BBX: variants seen among roughly 807,000 people sequenced by gnomAD.
BBX encodes the protein BBX high mobility group box domain containing.
Under a neutral mutation model 100.2 loss-of-function variants are expected in BBX, and 30 were observed. That is an observed-to-expected ratio of 0.30 (90% CI 0.22 to 0.41). The LOEUF (loss-of-function observed/expected upper bound fraction) is 0.41, where lower values mean the gene tolerates loss of function less well. BBX is among the 10% of genes least tolerant of loss of function. The pLI, the probability that BBX is intolerant of heterozygous loss-of-function variation, is 1.00. For missense variants in BBX, 1,023 were observed against 1,129.8 expected, an observed-to-expected ratio of 0.91 and a Z score of 1.35; for synonymous variants, 376 against 388.1, an observed-to-expected ratio of 0.97 and a Z score of 0.37.
chr3:107,789,598 A>G (rs2068779990), intron 13 of BBX, among the ~76,000 whole-genome samples, 189 bp from the exon 14 acceptor site: 1 of 152,168 alleles, frequency 6.6e-6, no homozygotes, highest in African/African-American at 2.4e-5. Flanking sequence ...GGAAAATCTC[A>G]CTGGGTTTAA....
At position 107,712,956 on chromosome 3, in the gene BBX, C is replaced by T. The variant is rs539795858; in HGVS notation, c.162+2334C>T. On this transcript the variant is annotated intron_variant, in intron 4 of 17. Coordinates refer to ENST00000325805, the MANE Select transcript of BBX (RefSeq NM_001142568.3). ...GTCTAGTCCATACTTTTAGTCTTAG[C>T]ACCTTCTGCATATTGGTATCTCATA... Among the ~76,000 whole-genome samples the T allele has an allele frequency of 5.3e-5, 8 of 152,208 alleles. No homozygotes were observed. In the South Asian group the frequency reaches 6.2e-4, roughly 12 times the overall value.
At chr3:107,698,478 C>T (rs2060818100) in intron 3 of BBX, among the ~76,000 whole-genome samples, 1 of 151,366 alleles carries the variant, frequency 6.6e-6, no homozygotes, top group Non-Finnish European at 1.5e-5. Context: ...TGGTGAAACC[C>T]CATCTCTACT....
intron 13 of BBX, among the ~76,000 whole-genome samples, chr3:107,785,357 C>G (rs2068305473): frequency 6.6e-6 from 1 of 151,936 alleles, no homozygotes. Flanking sequence ...TCAAGACATT[C>G]TCAAGACAAA....
At chr3:107,637,902 C>T (rs1342465036) in intron 2 of BBX, among the ~76,000 whole-genome samples, 2 of 152,070 alleles carry the variant, frequency 1.3e-5, no homozygotes, top group African/African-American at 4.8e-5. Flanking sequence ...TTTCTTCTTT[C>T]CTTTCCTTTA....
At chr3:107,573,792 T>A (rs1197291473) in intron 2 of BBX, among the ~76,000 whole-genome samples, 1 of 152,194 alleles carries the variant, frequency 6.6e-6, no homozygotes, top group African/African-American at 2.4e-5. Context: ...AATGGCACGA[T>A]CTCAGCTCAC....
intron 3 of BBX, among the ~76,000 whole-genome samples, chr3:107,681,962 A>G (rs921311820): frequency 5.3e-5 from 8 of 152,202 alleles, no homozygotes; most frequent in Non-Finnish European, 8.8e-5. Context: ...GCATGTTTTC[A>G]GCAGCTACTG....
intron 2 of BBX, among the ~76,000 whole-genome samples, chr3:107,618,217 T>G (rs1243968742): frequency 6.6e-6 from 1 of 152,058 alleles, no homozygotes; most frequent in Non-Finnish European, 1.5e-5. Context: ...ATTCCTGAAA[T>G]AAATCCCTAT....
At chr3:107,637,223 C>T (rs927881474) in intron 2 of BBX, among the ~76,000 whole-genome samples, 3 of 152,138 alleles carry the variant, frequency 2.0e-5, no homozygotes, top group Admixed American at 6.5e-5. Context: ...TTTACATGCT[C>T]ACTTCTACAG....
intron 13 of BBX, among the ~76,000 whole-genome samples, chr3:107,780,156 AAGTAGTCCATG>A (rs2067727948): frequency 2.0e-5 from 3 of 152,220 alleles, no homozygotes; most frequent in Admixed American, 1.3e-4. Flanking sequence ...GGAATAGGAA[AAGTAGTCCATG>A]AGCCCAAAGA....
At chr3:107,555,155 A>G (rs2050002630) in intron 2 of BBX, among the ~76,000 whole-genome samples, 1 of 152,192 alleles carries the variant, frequency 6.6e-6, no homozygotes, top group Admixed American at 6.5e-5. Flanking sequence ...TTTCTGCTAA[A>G]CCAAAGCTCC....
intron 2 of BBX, among the ~76,000 whole-genome samples, chr3:107,638,748 A>C (rs1576118833): frequency 9.1e-6 from 1 of 109,710 alleles, no homozygotes; most frequent in Non-Finnish European, 1.9e-5. Flanking sequence ...TGGAGAAACC[A>C]CTCCTCTACC....
intron 3 of BBX, among the ~76,000 whole-genome samples, chr3:107,656,605 T>C (rs1340773245): frequency 1.3e-5 from 2 of 152,228 alleles, no homozygotes; most frequent in African/African-American, 2.4e-5. Context: ...TGGATCGTTA[T>C]CCCTCTTTAA....
At chr3:107,684,537 A>G (rs765297034) in intron 3 of BBX, 14 of 152,162 alleles carry the variant, frequency 9.2e-5, no homozygotes, top group South Asian at 4.1e-4. Context: ...GTAAGTTCCT[A>G]CGTCACCATG....
intron 2 of BBX, among the ~76,000 whole-genome samples, chr3:107,580,921 A>G (rs554917351): frequency 6.6e-6 from 1 of 152,348 alleles, no homozygotes; most frequent in East Asian, 1.9e-4. Context: ...GTGAGCCGTC[A>G]CACCCAGCAC....
intron 3 of BBX, among the ~76,000 whole-genome samples, chr3:107,647,379 C>T (rs1289829333): frequency 1.3e-5 from 2 of 152,130 alleles, no homozygotes; most frequent in Non-Finnish European, 2.9e-5. Context: ...ACCAAGATTA[C>T]CATGGCAGAC....
intron 8 of BBX, among the ~76,000 whole-genome samples, chr3:107,746,596 A>T (rs1296902842): frequency 6.6e-6 from 1 of 152,072 alleles, no homozygotes; most frequent in Non-Finnish European, 1.5e-5. Flanking sequence ...AATACAATTA[A>T]TTACTCAGTC....
chr3:107,618,474 C>A (rs965607272), intron 2 of BBX, among the ~76,000 whole-genome samples: 2 of 151,812 alleles, frequency 1.3e-5, no homozygotes, highest in African/African-American at 4.8e-5. Flanking sequence ...CTTCAGGTAC[C>A]TGAGGTGAGA....
rs530211236 is a variant in BBX, at chr3:107,532,601, A to G, written c.-84+6203A>G. On this transcript the variant is annotated intron_variant, in intron 2 of 17. Transcript: ENST00000325805. Reference sequence around the variant, plus strand: ...AGAAGATAAATGGGGAATACATTAAATCCCTGAAATCTCAAAACAATGTGA... The same window carrying G: ...AGAAGATAAATGGGGAATACATTAAGTCCCTGAAATCTCAAAACAATGTGA... 9.2e-5 allele frequency among the ~76,000 whole-genome samples: 14 copies of G among 152,310 alleles called. No individual in the cohort carries two copies. In the South Asian group the frequency reaches 2.5e-3, roughly 27 times the overall value.
At chr3:107,606,253 G>C (rs944168938) in intron 2 of BBX, among the ~76,000 whole-genome samples, 18 of 152,154 alleles carry the variant, frequency 1.2e-4, no homozygotes, top group African/African-American at 4.1e-4. Context: ...TAAGACCCAC[G>C]GTCAGCAGTG....
Sources: allele counts gnomAD v4.1 joint callset (sites outside exome capture counted in the v4.1 genomes callset), GRCh38; gene constraint gnomAD v4.1.1; transcripts MANE v1.5; gene names NCBI Gene and HGNC (gene_info 2026-07-23, HGNC 2026-07-21).